TSC22D1: variants seen among roughly 807,000 people sequenced by gnomAD.
TSC22D1 encodes the protein TSC22 domain family protein 1.
A neutral mutation model predicts 74.2 loss-of-function variants in TSC22D1; 9 were observed. The observed-to-expected ratio is 0.12, with a 90% CI of 0.07 to 0.21. The LOEUF (loss-of-function observed/expected upper bound fraction) is 0.21. TSC22D1 is among the 10% of genes least tolerant of loss of function. The pLI, the probability that TSC22D1 is intolerant of heterozygous loss-of-function variation, is 1.00. For synonymous variants in TSC22D1, 586 were observed against 492.5 expected (o/e 1.19, Z -2.51); for missense variants, 1,427 against 1,304.7 (o/e 1.09, Z -1.44).
intron 1 of TSC22D1, among the ~76,000 whole-genome samples, chr13:44,462,974 T>C (rs1877080078): frequency 6.6e-6 from 1 of 152,176 alleles, no homozygotes; most frequent in South Asian, 2.1e-4. Flanking sequence ...TAGATGCATA[T>C]TGCACTTACA....
chr13:44,434,940 G>A lies in TSC22D1; in HGVS notation c.2965-57C>T. ...TATTTGGTATTTTCTGGACTCTTTT[G>A]AGTTTCCAAGACATTATTTTACATG... is the stretch of plus-strand genomic sequence containing the variant. On this transcript the variant is annotated intron_variant, in intron 2 of 2. Coordinates refer to ENST00000458659, the MANE Select transcript of TSC22D1 (RefSeq NM_183422.4). 6 of 1,439,050 alleles carry A rather than the reference G, an allele frequency of 4.2e-6. No homozygotes were observed. In the Admixed American group the frequency reaches 1.2e-4, roughly 29 times the overall value. The allele number at this position is 1,439,050 out of a possible 1,614,324, so 89.1% of individuals were successfully genotyped here.
intron 1 of TSC22D1, among the ~76,000 whole-genome samples, chr13:44,548,029 ATAT>A (rs1309665352): frequency 3.3e-5 from 5 of 152,196 alleles, no homozygotes; most frequent in Admixed American, 3.3e-4. Flanking sequence ...CATATATGGA[ATAT>A]TATTATCACA....
chr13:44,543,356 T>C (rs1312288761), intron 1 of TSC22D1, among the ~76,000 whole-genome samples: 2 of 152,222 alleles, frequency 1.3e-5, no homozygotes, highest in African/African-American at 4.8e-5. Flanking sequence ...CTACAAAGAC[T>C]GATTTCTACT....
intron 1 of TSC22D1, among the ~76,000 whole-genome samples, chr13:44,546,270 G>A (rs1329068389): frequency 6.6e-6 from 1 of 152,096 alleles, no homozygotes; most frequent in Non-Finnish European, 1.5e-5. Context: ...ATATTCCCAA[G>A]ACATGTGTTA....
intron 1 of TSC22D1, chr13:44,537,586 C>T (rs1361538432): frequency 4.9e-5 from 48 of 984,690 alleles, no homozygotes; most frequent in Middle Eastern, 5.2e-4. Context: ...CTTCCTAAAA[C>T]GATGGACAGT....
chr13:44,440,727 G>C (rs1386776816), intron 1 of TSC22D1, among the ~76,000 whole-genome samples: 1 of 151,882 alleles, frequency 6.6e-6, no homozygotes, highest in Non-Finnish European at 1.5e-5. Flanking sequence ...AATTGTTCCA[G>C]AACTGAAGGA....
At chr13:44,546,349 A>C (rs1360719574) in intron 1 of TSC22D1, among the ~76,000 whole-genome samples, 3 of 152,194 alleles carry the variant, frequency 2.0e-5, no homozygotes, top group Non-Finnish European at 2.9e-5. Flanking sequence ...CCAAATGATC[A>C]AGATGACATC....
intron 1 of TSC22D1, chr13:44,452,604 C>CA (rs1710977502): frequency 6.5e-6 from 1 of 152,698 alleles, no homozygotes; most frequent in African/African-American, 2.4e-5. Context: ...AACTTGGCTA[C>CA]ACTCTAGGGA....
At chr13:44,442,125 A>C (rs550526331) in intron 1 of TSC22D1, among the ~76,000 whole-genome samples, 7 of 152,342 alleles carry the variant, frequency 4.6e-5, no homozygotes, top group Admixed American at 2.6e-4. Context: ...TCCTAGACTG[A>C]AGAGTGTTTT....
intron 1 of TSC22D1, among the ~76,000 whole-genome samples, chr13:44,557,615 G>T (rs551647573): frequency 2.0e-5 from 3 of 152,122 alleles, no homozygotes; most frequent in Admixed American, 6.5e-5. Context: ...TCACTTTCTT[G>T]TTCCAATAAT....
At chr13:44,510,403 C>A (rs1039415985) in intron 1 of TSC22D1, among the ~76,000 whole-genome samples, 4 of 150,812 alleles carry the variant, frequency 2.7e-5, no homozygotes, top group Admixed American at 6.6e-5. Flanking sequence ...AAAAAAAAAA[C>A]AAAAAATGTT....
chr13:44,454,437 C>A (rs923302171), intron 1 of TSC22D1, among the ~76,000 whole-genome samples: 1 of 151,986 alleles, frequency 6.6e-6, no homozygotes, highest in African/African-American at 2.4e-5. Context: ...CACAAACTGC[C>A]CCCCGCTAAA....
In TSC22D1 at chr13:44,434,002, A is replaced by C. The variant is rs1437082062; in HGVS notation, c.*624T>G. ...ATATACAATAAGCAAAACAACCTTC[A>C]TGGTAAGATAGCCTAGGTCCCAGCT... On this transcript the variant is annotated 3_prime_UTR_variant, in exon 3 of 3. Transcript: ENST00000458659. 1.3e-6 allele frequency: 2 copies of C among 1,534,440 alleles called. No individual in the cohort carries two copies. Among genetic ancestry groups the C allele is most frequent in the Non-Finnish European group, 1.7e-6 (2 of 1,146,570 alleles).
At chr13:44,521,646 G>GA (rs1296753510) in intron 1 of TSC22D1, among the ~76,000 whole-genome samples, 8 of 135,500 alleles carry the variant, frequency 5.9e-5, no homozygotes, top group Admixed American at 1.5e-4. Flanking sequence ...GAAAATAAGG[G>GA]AAAAAAAACC....
intron 1 of TSC22D1, among the ~76,000 whole-genome samples, chr13:44,445,253 A>G (rs1875544114): frequency 7.4e-6 from 1 of 135,434 alleles, no homozygotes; most frequent in South Asian, 2.4e-4. Flanking sequence ...ACACACACAC[A>G]GAGCAAATCG....
At chr13:44,448,710 T>C (rs981005916) in intron 1 of TSC22D1, among the ~76,000 whole-genome samples, 1 of 147,614 alleles carries the variant, frequency 6.8e-6, no homozygotes, top group Non-Finnish European at 1.5e-5. Context: ...TATTCAGAAT[T>C]ATAAAGCAAA....
intron 1 of TSC22D1, among the ~76,000 whole-genome samples, chr13:44,495,295 GAAA>G (rs34584059): frequency 0.032 from 2,852 of 90,486 alleles, 76 homozygotes; most frequent in African/African-American, 0.1. Context: ...AAATGCTAAG[GAAA>G]AAAAAAAAAA....
At chr13:44,544,906 A>AAT (rs1453556112) in intron 1 of TSC22D1, among the ~76,000 whole-genome samples, 1 of 152,208 alleles carries the variant, frequency 6.6e-6, no homozygotes, top group African/African-American at 2.4e-5. Flanking sequence ...AACAATCTAC[A>AAT]ATATATATAT....
chr13:44,556,577 T>A (rs1176676168), intron 1 of TSC22D1, among the ~76,000 whole-genome samples: 1 of 151,434 alleles, frequency 6.6e-6, no homozygotes, highest in Non-Finnish European at 1.5e-5. Context: ...CTTTAAAAAA[T>A]TTTTGTAGCC....
Sources: allele counts gnomAD v4.1 joint callset (sites outside exome capture counted in the v4.1 genomes callset), GRCh38; gene constraint gnomAD v4.1.1; transcripts MANE v1.5; gene names NCBI Gene and HGNC (gene_info 2026-07-23, HGNC 2026-07-21).